The following GRIP1 variants were observed in gnomAD, a reference collection of about 807,000 sequenced individuals.
The protein encoded by GRIP1 is glutamate receptor-interacting protein 1.
In GRIP1, 45 loss-of-function variants were observed where a neutral mutation model predicts 129.9. The ratio of observed to expected loss-of-function variants is 0.35; its 90% CI spans 0.27 to 0.44. The LOEUF is 0.44. GRIP1 is among the 20% of genes least tolerant of loss of function. The pLI, the probability that GRIP1 is intolerant of heterozygous loss-of-function variation, is 1.00. For synonymous variants in GRIP1, 530 were observed against 520.8 expected (o/e 1.02, Z -0.24); for missense variants, 1,196 against 1,396.8 (o/e 0.86, Z 2.29).
intron 1 of GRIP1, among the ~76,000 whole-genome samples, chr12:66,770,045 C>T (rs2037768069): frequency 6.6e-6 from 1 of 152,190 alleles, no homozygotes; most frequent in Admixed American, 6.5e-5. Flanking sequence ...ATTTAACCAC[C>T]TGTACCCCCA....
At chr12:66,372,416 T>G (rs759215288) in intron 22 of GRIP1, 1 of 221,266 alleles carries the variant, frequency 4.5e-6, no homozygotes, top group Admixed American at 5.2e-5. Flanking sequence ...ATGACTGATA[T>G]AAAGGCAAGG....
At chr12:66,453,248 C>G (rs527903354) in intron 11 of GRIP1, among the ~76,000 whole-genome samples, 1 of 152,232 alleles carries the variant, frequency 6.6e-6, no homozygotes, top group South Asian at 2.1e-4. Flanking sequence ...CACTAATGTC[C>G]CTAATCAACA....
chr12:66,862,176 T>C (rs912792496), intron 1 of GRIP1, among the ~76,000 whole-genome samples: 24 of 152,250 alleles, frequency 1.6e-4, no homozygotes, highest in African/African-American at 5.8e-4. Context: ...AGGGCATTAC[T>C]AGTGTTCACT....
At chr12:66,562,580 A>G (rs2062576164) in intron 2 of GRIP1, among the ~76,000 whole-genome samples, 1 of 152,186 alleles carries the variant, frequency 6.6e-6, no homozygotes, top group South Asian at 2.1e-4. Flanking sequence ...ACATTTCCCA[A>G]CACGATTTTA....
At chr12:66,776,586 A>G (rs2037986668) in intron 1 of GRIP1, among the ~76,000 whole-genome samples, 1 of 152,260 alleles carries the variant, frequency 6.6e-6, no homozygotes, top group African/African-American at 2.4e-5. Flanking sequence ...CTTATAATAA[A>G]GAGTGGAACA....
chr12:66,629,453 A>C (rs1034764706), intron 1 of GRIP1, among the ~76,000 whole-genome samples: 1 of 152,256 alleles, frequency 6.6e-6, no homozygotes, highest in African/African-American at 2.4e-5. Flanking sequence ...AATAACAATA[A>C]GCTTGGATTC....
intron 1 of GRIP1, among the ~76,000 whole-genome samples, chr12:66,956,916 C>G (rs890812254): frequency 2.6e-5 from 4 of 152,068 alleles, no homozygotes; most frequent in Non-Finnish European, 5.9e-5. Context: ...AAACATGAGT[C>G]CCCACTGATA....
intron 1 of GRIP1, among the ~76,000 whole-genome samples, chr12:66,601,490 C>T (rs10161213): frequency 0.22 from 34,188 of 151,994 alleles, 4,262 homozygotes; most frequent in African/African-American, 0.34. Context: ...CAGAGGCACC[C>T]GATATGAATA....
At chr12:66,963,525 G>A (rs1053422996) in intron 1 of GRIP1, among the ~76,000 whole-genome samples, 6 of 152,076 alleles carry the variant, frequency 3.9e-5, no homozygotes, top group African/African-American at 1.4e-4. Flanking sequence ...CAAGACTACA[G>A]CTTCAGAGCT....
intron 2 of GRIP1, among the ~76,000 whole-genome samples, chr12:66,548,903 C>T (rs996399998): frequency 2.6e-5 from 4 of 152,158 alleles, no homozygotes; most frequent in African/African-American, 9.7e-5. Context: ...TCAAAATGCT[C>T]TATAAGATCT....
chr12:66,899,196 T>C (rs892127613), intron 1 of GRIP1, among the ~76,000 whole-genome samples: 7 of 151,994 alleles, frequency 4.6e-5, no homozygotes, highest in African/African-American at 1.5e-4. Flanking sequence ...AGCAGTCCCA[T>C]AGAAAGTTGC....
At chr12:66,691,750 G>A (rs896035623) in intron 1 of GRIP1, among the ~76,000 whole-genome samples, 2 of 152,140 alleles carry the variant, frequency 1.3e-5, no homozygotes, top group Non-Finnish European at 1.5e-5. Context: ...TCCCTAGGAA[G>A]AGAGTCCTTC....
chr12:66,595,015 T>C (rs1321177911), intron 2 of GRIP1, among the ~76,000 whole-genome samples: 4 of 152,214 alleles, frequency 2.6e-5, no homozygotes, highest in African/African-American at 4.8e-5. Context: ...TTAACTACTT[T>C]GGTTTCTTAG....
At chr12:66,602,347 T>C (rs1042511631) in intron 1 of GRIP1, among the ~76,000 whole-genome samples, 6 of 151,898 alleles carry the variant, frequency 4.0e-5, no homozygotes, top group Admixed American at 3.3e-4. Context: ...CTTAATTATA[T>C]CTTTCTCTTC....
intron 2 of GRIP1, among the ~76,000 whole-genome samples, chr12:66,549,575 T>C (rs2062058783): frequency 6.6e-6 from 1 of 152,156 alleles, no homozygotes; most frequent in Non-Finnish European, 1.5e-5. Flanking sequence ...TAATATCCCC[T>C]GGTTCAGCAA....
chr12:66,448,738 C>T (rs1291328416), intron 11 of GRIP1, among the ~76,000 whole-genome samples: 1 of 152,178 alleles, frequency 6.6e-6, no homozygotes, highest in Non-Finnish European at 1.5e-5. Context: ...CTCATCATCA[C>T]CAGTGTACAA....
At chr12:66,785,573 A>G (rs1394345202) in intron 1 of GRIP1, among the ~76,000 whole-genome samples, 1 of 151,812 alleles carries the variant, frequency 6.6e-6, no homozygotes, top group African/African-American at 2.4e-5. Context: ...AGTTCCCCAT[A>G]TCAAAATGTG....
At chr12:66,398,119 T>C (rs1032676566) in intron 16 of GRIP1, among the ~76,000 whole-genome samples, 1 of 152,196 alleles carries the variant, frequency 6.6e-6, no homozygotes, top group Non-Finnish European at 1.5e-5. Flanking sequence ...TTCATAGCAA[T>C]GGCTTCCTCC....
In GRIP1 at chr12:66,445,046, T is replaced by C. The variant is rs187589878; in HGVS notation, c.1541+276A>G. Among the ~76,000 whole-genome samples, 42 of 152,346 alleles carry C rather than the reference T, an allele frequency of 2.8e-4. No individual in the cohort carries two copies. In the East Asian group the frequency reaches 5.2e-3, roughly 19 times the overall value. ...TCCCCCATGGCAGAAACTATTGAAG[T>C]TGAACTTCAGGATATGTTTATTTTA... On this transcript the variant is annotated intron_variant, in intron 12 of 24. Transcript: ENST00000359742.
Sources: gnomAD v4.1 joint callset for allele counts (sites outside exome capture counted in the v4.1 genomes callset) on GRCh38, gnomAD v4.1.1 for gene constraint, MANE v1.5 for transcripts, NCBI Gene and HGNC (gene_info 2026-07-23, HGNC 2026-07-21) for gene names.